TNS1: variants seen among roughly 807,000 people sequenced by gnomAD.
TNS1 encodes tensin-1.
TNS1 carries 62 observed loss-of-function variants against 168.6 expected under a neutral mutation model. The ratio of observed to expected loss-of-function variants is 0.37; its 90% CI spans 0.30 to 0.45. The LOEUF (loss-of-function observed/expected upper bound fraction) is 0.45. Ranked by LOEUF, TNS1 falls within the 20% of genes least tolerant of loss-of-function variation. The pLI is 1.00. For missense variants in TNS1, 2,240 were observed against 2,339.4 expected, an observed-to-expected ratio of 0.96 and a Z score of 0.88; for synonymous variants, 934 against 933.2, an observed-to-expected ratio of 1.00 and a Z score of -0.02.
upstream of TNS1, among the ~76,000 whole-genome samples, chr2:218,003,721 AGT>A (rs771536860): frequency 9.5e-4 from 143 of 149,818 alleles, no homozygotes; most frequent in African/African-American, 3.0e-3. Flanking sequence ...CTCCCGCGAG[AGT>A]GTGTTTTTCT....
intron 14 of TNS1, 94 bp downstream of exon 14, chr2:217,885,950 T>A: frequency 1.3e-6 from 2 of 1,563,826 alleles, no homozygotes; most frequent in Non-Finnish European, 1.8e-6. Flanking sequence ...TTCAGCCCTC[T>A]TGAGAATATT....
At chr2:218,028,755 G>A (rs1047060899) in intron 1 of TNS1, among the ~76,000 whole-genome samples, 1 of 152,198 alleles carries the variant, frequency 6.6e-6, no homozygotes, top group Admixed American at 6.5e-5. Flanking sequence ...CTGGCCAAAA[G>A]CACCAGGCTG....
Position 217,897,375 on chromosome 2 carries a change from A to G in TNS1, c.543+423T>C, listed in dbSNP as rs7596819. Among the ~76,000 whole-genome samples, 331 of 152,314 alleles carry G rather than the reference A, an allele frequency of 2.2e-3. 1 individual carries two copies. The highest frequency in any genetic ancestry group is 7.7e-3 in the African/African-American group (319 of 41,562). On this transcript the variant is annotated intron_variant, in intron 8 of 32. Coordinates refer to ENST00000682258, the MANE Select transcript of TNS1 (RefSeq NM_001387777.1). ...GCACCGACCCTGTGCCAGCTCTGCC[A>G]CTTCCTGACCCTGCAACCTTAGGCA...
chr2:217,811,554 G>C (rs958985768), intron 28 of TNS1, among the ~76,000 whole-genome samples: 1 of 152,132 alleles, frequency 6.6e-6, no homozygotes, highest in Admixed American at 6.5e-5. Flanking sequence ...GCTTCTGAAG[G>C]TCCTATTGTT....
chr2:218,025,382 G>A (rs940896690), intron 1 of TNS1, among the ~76,000 whole-genome samples: 10 of 152,124 alleles, frequency 6.6e-5, no homozygotes, highest in African/African-American at 2.4e-4. Context: ...CCGAGTTGTT[G>A]GTATGACAGG....
At chr2:217,973,367 GAAAAAAAAAA>G in intron 3 of TNS1, among the ~76,000 whole-genome samples, 1 of 93,578 alleles carries the variant, frequency 1.1e-5, no homozygotes, top group East Asian at 3.1e-4. Context: ...TCCTGTCTCT[GAAAAAAAAAA>G]AAAAAAAAAA....
chr2:217,966,442 G>C (rs543401271), intron 3 of TNS1, among the ~76,000 whole-genome samples: 4 of 152,250 alleles, frequency 2.6e-5, no homozygotes, highest in Middle Eastern at 3.4e-3. Flanking sequence ...CCTCATCCTT[G>C]AATCCATCCC....
At chr2:217,885,599 C>A in intron 15 of TNS1, 145 bp downstream of exon 15, 1 of 766,522 alleles carries the variant, frequency 1.3e-6, no homozygotes, top group Non-Finnish European at 2.1e-6. Context: ...ACTGGAAGGT[C>A]TTCCAAGAGC....
intron 3 of TNS1, among the ~76,000 whole-genome samples, chr2:217,955,248 A>G (rs1035909273): frequency 1.3e-5 from 2 of 152,238 alleles, no homozygotes; most frequent in African/African-American, 4.8e-5. Context: ...GAACTGCAGA[A>G]GGTGGCACCA....
intron 8 of TNS1, 78 bp downstream of exon 8, chr2:217,897,720 G>C (rs750327627): frequency 7.0e-7 from 1 of 1,419,674 alleles, no homozygotes; most frequent in Non-Finnish European, 9.4e-7. Context: ...TGGTGGCAGG[G>C]ATACCAGTCA....
chr2:218,003,634 T>TC (rs1958613633), upstream of TNS1, among the ~76,000 whole-genome samples: 2 of 151,946 alleles, frequency 1.3e-5, no homozygotes, highest in African/African-American at 4.8e-5. Context: ...TCTTTTTTTT[T>TC]CCCCCTTCTT....
intron 18 of TNS1, among the ~76,000 whole-genome samples, chr2:217,875,871 G>A (rs1014751780): frequency 2.0e-5 from 3 of 152,116 alleles, no homozygotes; most frequent in African/African-American, 2.4e-5. Flanking sequence ...ACCAGCCCCC[G>A]GTTCTGGTGG....
rs1277394641 is a variant in TNS1, at chr2:217,802,823, T to C, written c.*1636A>G. On this transcript the variant is annotated 3_prime_UTR_variant, in exon 33 of 33. Transcript: ENST00000682258. ...TTACATTTTATTAGCTTACAGATTC[T>C]GTCAGTATGTCTCATGTATATATTA... 1.3e-5 allele frequency: 2 copies of C among 152,714 alleles called. No homozygotes were observed. Among genetic ancestry groups the C allele is most frequent in the East Asian group, 3.8e-4 (2 of 5,206 alleles). 9.5% of individuals were successfully genotyped at this position (152,714 alleles called of 1,614,324 possible).
intron 3 of TNS1, among the ~76,000 whole-genome samples, chr2:217,949,833 T>C (rs1199263787): frequency 6.6e-6 from 1 of 152,118 alleles, no homozygotes; most frequent in African/African-American, 2.4e-5. Context: ...TGAGCCAGAA[T>C]TAGCAAGGGA....
intron 16 of TNS1, among the ~76,000 whole-genome samples, chr2:217,883,834 C>T (rs1445624485): frequency 6.6e-6 from 1 of 152,178 alleles, no homozygotes; most frequent in Non-Finnish European, 1.5e-5. Context: ...AGATCTGGAC[C>T]CTCCTCCAAG....
chr2:218,002,498 T>C (rs1443106683), intron 1 of TNS1, among the ~76,000 whole-genome samples: 2 of 150,308 alleles, frequency 1.3e-5, no homozygotes, highest in East Asian at 4.0e-4. Context: ...TTTCACCCCA[T>C]TGTAGGATGC....
chr2:217,816,841 G>T (rs1378858773), intron 24 of TNS1, among the ~76,000 whole-genome samples: 1 of 152,136 alleles, frequency 6.6e-6, no homozygotes, highest in Non-Finnish European at 1.5e-5. Context: ...GTGACGCCGG[G>T]AGAATCTAGG....
intron 3 of TNS1, among the ~76,000 whole-genome samples, chr2:217,975,177 C>T (rs1200269645): frequency 6.6e-6 from 1 of 152,102 alleles, no homozygotes; most frequent in Non-Finnish European, 1.5e-5. Context: ...AACTTGATAG[C>T]CACATGACAG....
intron 16 of TNS1, among the ~76,000 whole-genome samples, chr2:217,883,760 G>T (rs543444165): frequency 6.6e-6 from 1 of 152,142 alleles, no homozygotes; most frequent in South Asian, 2.1e-4. Flanking sequence ...GGCATCTTCT[G>T]GCTCCAGTGC....
Sources: gnomAD v4.1 joint callset for allele counts (sites outside exome capture counted in the v4.1 genomes callset) on GRCh38, gnomAD v4.1.1 for gene constraint, MANE v1.5 for transcripts, NCBI Gene and HGNC (gene_info 2026-07-23, HGNC 2026-07-21) for gene names.